Variants in SENP6 observed in about 807,000 individuals in gnomAD.
SENP6 encodes SUMO specific peptidase 6.
In SENP6, 41 loss-of-function variants were observed where a neutral mutation model predicts 134.5. That is an observed-to-expected ratio of 0.30 (90% CI 0.24 to 0.40). SENP6 has a LOEUF of 0.40. SENP6 is among the 10% of genes least tolerant of loss of function. SENP6 has a pLI of 1.00. For missense variants in SENP6, 1,248 were observed against 1,312.5 expected (o/e 0.95, Z 0.76); for synonymous variants, 395 against 429.8 (o/e 0.92, Z 1.00).
chr6:75,670,318 A>G (rs1772570241), intron 10 of SENP6, among the ~76,000 whole-genome samples: 1 of 152,162 alleles, frequency 6.6e-6, no homozygotes, highest in African/African-American at 2.4e-5. Flanking sequence ...ACTATTCCTG[A>G]ATGCCATACT....
chr6:75,605,432 A>G (rs1426590717), intron 1 of SENP6, among the ~76,000 whole-genome samples: 1 of 152,250 alleles, frequency 6.6e-6, no homozygotes, highest in Non-Finnish European at 1.5e-5. Context: ...CACCTGAAAC[A>G]TATTTGTTGT....
chr6:75,667,634 A>G (rs1772348247), intron 10 of SENP6, among the ~76,000 whole-genome samples: 1 of 152,232 alleles, frequency 6.6e-6, no homozygotes, highest in Non-Finnish European at 1.5e-5. Flanking sequence ...CTGATGGAAA[A>G]GAAAGTTACT....
intron 1 of SENP6, among the ~76,000 whole-genome samples, chr6:75,618,643 C>T (rs1189698844): frequency 6.6e-6 from 1 of 152,176 alleles, no homozygotes; most frequent in East Asian, 1.9e-4. Context: ...AAGAAAGCAG[C>T]TCTAGCTCTC....
chr6:75,608,642 G>A (rs1223099117), intron 1 of SENP6, among the ~76,000 whole-genome samples: 1 of 152,018 alleles, frequency 6.6e-6, no homozygotes, highest in East Asian at 1.9e-4. Flanking sequence ...TCAACATCTG[G>A]CTTTACTACT....
At chr6:75,642,348 C>CT (rs1770094542) in intron 6 of SENP6, among the ~76,000 whole-genome samples, 1 of 152,192 alleles carries the variant, frequency 6.6e-6, no homozygotes, top group Non-Finnish European at 1.5e-5. Flanking sequence ...ATGTGATAGA[C>CT]TGACAGTATG....
chr6:75,619,658 AT>A (rs764830706), intron 1 of SENP6, among the ~76,000 whole-genome samples: 27 of 152,218 alleles, frequency 1.8e-4, no homozygotes, highest in East Asian at 3.9e-4. Flanking sequence ...TCGTAGGGTA[AT>A]TCTATGTTTA....
At chr6:75,684,965 A>G (rs185440801) in intron 16 of SENP6, among the ~76,000 whole-genome samples, 1 of 152,288 alleles carries the variant, frequency 6.6e-6, no homozygotes, top group East Asian at 1.9e-4. Flanking sequence ...ATAGTTTCAG[A>G]AGGAATGATA....
At position 75,677,123 on chromosome 6, in the gene SENP6, T is replaced by C. The variant is rs1208484651; in HGVS notation, c.1715T>C (p.Ile572Thr). 6.2e-7 allele frequency: 1 copy of C among 1,610,342 alleles called. No homozygotes were observed. Among genetic ancestry groups the C allele is most frequent in the Non-Finnish European group, 8.5e-7 (1 of 1,177,208 alleles). ...GAAAGTATCATTAATGAAATTGGTA[T>C]AAAGAATAACATCTCCAATTTTTTT... ...VFESIINEIG[I>T]KNNISNFFAK... The change falls in exon 14 of 24, where the codon ATA becomes ACA. Residue 572 changes from isoleucine to threonine, a missense_variant. Ile to Thr is a moderately conservative substitution (Grantham distance 89). This residue lies in a region of SENP6 where 733 missense variants were observed against 725.4 expected (regional missense o/e 1.01). Transcript: ENST00000447266.
intron 16 of SENP6, among the ~76,000 whole-genome samples, chr6:75,687,329 C>A (rs915064706): frequency 6.6e-6 from 1 of 152,120 alleles, no homozygotes; most frequent in Non-Finnish European, 1.5e-5. Flanking sequence ...AGCTTCCTTG[C>A]GATGGGTTCG....
chr6:75,659,365 T>C lies in SENP6; in HGVS notation c.654T>C (p.Pro218=). The C allele has an allele frequency of 6.2e-7, 1 of 1,610,550 alleles. No homozygotes were observed. Among genetic ancestry groups the C allele is most frequent in the Non-Finnish European group, 8.5e-7 (1 of 1,177,930 alleles). ...ACTGTAGTACCTATCAGCCTACTCCTCCTCTATCTCCTGCTTCAAAAAAAT... is the reference window on the plus strand; with the variant it reads ...ACTGTAGTACCTATCAGCCTACTCCCCCTCTATCTCCTGCTTCAAAAAAAT... ...KRHCSTYQPT[P]PLSPASKKCL... The change falls in exon 8 of 24, where the codon CCT becomes CCC. Residue 218 remains proline, a synonymous_variant. Transcript: ENST00000447266.
Position 75,653,092 on chromosome 6 carries a change from G to T in SENP6, c.550+5291G>T, listed in dbSNP as rs184716858. On this transcript the variant is annotated intron_variant, in intron 7 of 23. Coordinates refer to ENST00000447266, the MANE Select transcript of SENP6 (RefSeq NM_015571.4). ...GTTGCCCAAGCTGGTGTGCAATGGCGCAATCTCAGCTCACCGCAACCTCCA... is the reference window on the plus strand; with the variant it reads ...GTTGCCCAAGCTGGTGTGCAATGGCTCAATCTCAGCTCACCGCAACCTCCA... Among the ~76,000 whole-genome samples, 650 of 151,906 alleles carry T rather than the reference G, an allele frequency of 4.3e-3. 3 individuals are homozygous for T. The highest frequency in any genetic ancestry group is 8.2e-3 in the Admixed American group (125 of 15,252).
chr6:75,676,095 A>T, intron 13 of SENP6, 41 bp downstream of exon 13: 2 of 1,351,524 alleles, frequency 1.5e-6, no homozygotes, highest in Non-Finnish European at 2.0e-6. Flanking sequence ...AATAATAGAT[A>T]CTGTATTTAC....
intron 6 of SENP6, chr6:75,647,498 A>G (rs961309311): frequency 2.2e-5 from 7 of 316,338 alleles, no homozygotes; most frequent in Non-Finnish European, 4.2e-5. Flanking sequence ...ATCTCATTCA[A>G]CATTTATTCC....
intron 19 of SENP6, among the ~76,000 whole-genome samples, chr6:75,704,208 C>T (rs1582899350): frequency 6.6e-6 from 1 of 152,250 alleles, no homozygotes; most frequent in African/African-American, 2.4e-5. Context: ...CGGCACTCAG[C>T]ATATCAAGGA....
At chr6:75,690,026 C>T (rs1055229481) in intron 16 of SENP6, among the ~76,000 whole-genome samples, 20 of 152,304 alleles carry the variant, frequency 1.3e-4, no homozygotes, top group African/African-American at 4.6e-4. Flanking sequence ...ATCGTCCTGC[C>T]TCAGCTTCCT....
intron 8 of SENP6, among the ~76,000 whole-genome samples, chr6:75,662,967 A>C (rs1039417726): frequency 6.6e-6 from 1 of 152,164 alleles, no homozygotes; most frequent in Admixed American, 6.6e-5. Flanking sequence ...TTCTTCCAGC[A>C]TTTTGATATT....
intron 7 of SENP6, among the ~76,000 whole-genome samples, chr6:75,652,923 G>A (rs1771016016): frequency 6.6e-6 from 1 of 151,908 alleles, no homozygotes; most frequent in African/African-American, 2.4e-5. Context: ...ATTTATGTCT[G>A]CCCATTTATT....
At chr6:75,656,484 T>C (rs1288979405) in intron 7 of SENP6, among the ~76,000 whole-genome samples, 1 of 152,190 alleles carries the variant, frequency 6.6e-6, no homozygotes, top group Non-Finnish European at 1.5e-5. Flanking sequence ...TTACTAAGTA[T>C]TTGCCATCCT....
chr6:75,677,376 A>G (rs1166921476), intron 14 of SENP6, 120 bp downstream of exon 14: 1 of 793,198 alleles, frequency 1.3e-6, no homozygotes, highest in Non-Finnish European at 1.9e-6. Context: ...TTTCAGAATT[A>G]CTTACTTTTA....
Sources: gnomAD v4.1 joint callset for allele counts (sites outside exome capture counted in the v4.1 genomes callset) on GRCh38, gnomAD v4.1.1 for gene constraint, gnomAD v4.1.1 regional missense constraint, MANE v1.5 for transcripts, NCBI Gene and HGNC (gene_info 2026-07-23, HGNC 2026-07-21) for gene names.